The following RASA1 variants were observed in gnomAD, a reference collection of about 807,000 sequenced individuals.
The protein encoded by RASA1 is RAS p21 protein activator 1, also known as ras GTPase-activating protein 1.
A neutral mutation model predicts 132.2 loss-of-function variants in RASA1; 25 were observed. The ratio of observed to expected loss-of-function variants is 0.19; its 90% confidence interval spans 0.14 to 0.26. The LOEUF (loss-of-function observed/expected upper bound fraction) is 0.26, where lower values mean the gene tolerates loss of function less well. Among genes scored for constraint, RASA1 ranks in the 10% least tolerant of loss-of-function variants. RASA1 has a pLI of 1.00. For synonymous variants in RASA1, 477 were observed against 449.9 expected (o/e 1.06, Z -0.76); for missense variants, 964 against 1,299.2 (o/e 0.74, Z 3.97).
chr5:87,390,953 T>C lies in RASA1; in HGVS notation c.*70T>C, dbSNP rs1224760023. On this transcript the variant is annotated 3_prime_UTR_variant, in exon 25 of 25. Transcript: ENST00000274376. ...TGGTAATTCACTTCAGTTTAATGTC[T>C]CCTTTGCTCTTGCCAAAAAATAGCA... 5.5e-6 allele frequency: 8 copies of C among 1,465,528 alleles called. No homozygotes were observed. Among genetic ancestry groups the C allele is most frequent in the East Asian group, 4.6e-5 (2 of 43,484 alleles). 90.8% of individuals were successfully genotyped at this position (1,465,528 alleles called of 1,614,324 possible).
intron 4 of RASA1, among the ~76,000 whole-genome samples, chr5:87,333,748 G>A (rs967612665): frequency 6.6e-6 from 1 of 151,742 alleles, no homozygotes; most frequent in Admixed American, 6.6e-5. Flanking sequence ...GTTAGTTTGT[G>A]GTTTTATTTC....
chr5:87,357,224 A>T (rs947153422), intron 9 of RASA1, among the ~76,000 whole-genome samples: 1 of 151,944 alleles, frequency 6.6e-6, no homozygotes, highest in African/African-American at 2.4e-5. Context: ...TATAACATAC[A>T]CACACATATA....
intron 1 of RASA1, among the ~76,000 whole-genome samples, chr5:87,273,071 A>G (rs1753917178): frequency 1.3e-5 from 2 of 152,202 alleles, no homozygotes; most frequent in Non-Finnish European, 2.9e-5. Flanking sequence ...ATGGTCAGGA[A>G]GTTAGTTCAA....
At chr5:87,287,556 T>C (rs1328590356) in intron 1 of RASA1, among the ~76,000 whole-genome samples, 1 of 146,192 alleles carries the variant, frequency 6.8e-6, no homozygotes, top group Non-Finnish European at 1.5e-5. Context: ...ACACCATATA[T>C]ATACACCATA....
intron 23 of RASA1, among the ~76,000 whole-genome samples, chr5:87,389,016 G>A (rs907249103): frequency 6.6e-6 from 1 of 151,764 alleles, no homozygotes; most frequent in Non-Finnish European, 1.5e-5. Flanking sequence ...TGAATACAAA[G>A]GTTACAAAGT....
At chr5:87,349,505 C>A in intron 8 of RASA1, 141 bp downstream of exon 8, 2 of 980,926 alleles carry the variant, frequency 2.0e-6, no homozygotes, top group Non-Finnish European at 3.0e-6. Flanking sequence ...TCATAGTAGT[C>A]ATGCCCAAGA....
chr5:87,341,033 G>A lies in RASA1; in HGVS notation c.1018-257G>A, dbSNP rs559757909. Reference sequence around the variant, plus strand: ...AAACTGATGTATCCAGATTAGAGTGGTGGAGTAGGACATAATTATATTAGT... The same window carrying A: ...AAACTGATGTATCCAGATTAGAGTGATGGAGTAGGACATAATTATATTAGT... On this transcript the variant is annotated intron_variant, in intron 5 of 24. Coordinates refer to ENST00000274376, the MANE Select transcript of RASA1 (RefSeq NM_002890.3). Among the ~76,000 whole-genome samples, 60 of 152,092 alleles carry A rather than the reference G, an allele frequency of 3.9e-4. 1 individual carries two copies. The South Asian group carries it at 9.9e-3, about 25-fold the overall frequency.
intron 1 of RASA1, among the ~76,000 whole-genome samples, chr5:87,287,267 C>T (rs1003581756): frequency 1.5e-4 from 21 of 144,408 alleles, no homozygotes; most frequent in African/African-American, 5.1e-4. Flanking sequence ...ACACCATATA[C>T]ACCGTATATA....
intron 1 of RASA1, among the ~76,000 whole-genome samples, chr5:87,316,280 A>G (rs968021173): frequency 2.6e-5 from 4 of 152,176 alleles, no homozygotes; most frequent in African/African-American, 9.7e-5. Flanking sequence ...TTGCCTGGTT[A>G]CTATAGTTAT....
chr5:87,385,322 C>T lies in RASA1; in HGVS notation c.2780C>T (p.Ala927Val). 1 of 1,610,672 alleles carries T rather than the reference C, an allele frequency of 6.2e-7. No homozygotes were observed. The highest frequency in any genetic ancestry group is 8.5e-7 in the Non-Finnish European group (1 of 1,177,216). Residue 927 changes from alanine to valine, a missense_variant, in exon 22 of 25, where the codon GCA (alanine) becomes GTA (valine). Around this residue, in one of 6 missense-constraint regions of RASA1, gnomAD observed 107 missense variants for 163.8 expected, o/e 0.65. Coordinates refer to ENST00000274376, the MANE Select transcript of RASA1 (RefSeq NM_002890.3). ...ACAGATTCTCCATCTCCTATTGCTG[C>T]AAGAACACTGATATTAGTGGCTAAA... ...IISDSPSPIA[A>V]RTLILVAKSV... is the part of the protein sequence containing the mutation.
intron 24 of RASA1, 65 bp from the exon 25 acceptor site, chr5:87,390,735 G>A: frequency 7.4e-7 from 1 of 1,351,976 alleles, no homozygotes; most frequent in East Asian, 2.3e-5. Flanking sequence ...TTCAAATCCA[G>A]GTTCCCATCC....
intron 1 of RASA1, among the ~76,000 whole-genome samples, chr5:87,292,497 T>G (rs1754952207): frequency 6.6e-6 from 1 of 152,086 alleles, no homozygotes. Context: ...GGTCTGTTTC[T>G]GGGTTTCCTG....
In RASA1 at chr5:87,338,855, T is replaced by A. The variant is rs563594189; in HGVS notation, c.1017+764T>A. Among the ~76,000 whole-genome samples, 17 of 152,226 alleles carry A rather than the reference T, an allele frequency of 1.1e-4. No homozygotes were observed. In the South Asian group the frequency reaches 3.5e-3, roughly 32 times the overall value. ...ATTCATTTATATTATACATATATTATCACATGGTTCTACATTTTGAATCTC... is the reference window on the plus strand; with the variant it reads ...ATTCATTTATATTATACATATATTAACACATGGTTCTACATTTTGAATCTC... On this transcript the variant is annotated intron_variant, in intron 5 of 24. Transcript: ENST00000274376.
At chr5:87,331,251 T>C (rs750833206) in intron 1 of RASA1, 97 bp from the exon 2 acceptor site, 2 of 1,249,134 alleles carry the variant, frequency 1.6e-6, no homozygotes, top group African/African-American at 3.0e-5. Context: ...AAGTTACATG[T>C]AGGCATTTAA....
intron 4 of RASA1, among the ~76,000 whole-genome samples, chr5:87,334,100 AT>A (rs894570919): frequency 6.6e-6 from 1 of 152,046 alleles, no homozygotes; most frequent in Non-Finnish European, 1.5e-5. Context: ...TCTAGAGGAG[AT>A]TTTTTTACGG....
chr5:87,302,895 A>G (rs962856629), intron 1 of RASA1, among the ~76,000 whole-genome samples: 1 of 152,090 alleles, frequency 6.6e-6, no homozygotes, highest in Non-Finnish European at 1.5e-5. Context: ...AAATCTTTGC[A>G]TGCTCGAAGG....
rs141530910 is a variant in RASA1 at position 87,306,432 on chromosome 5, G to A, written c.540-24916G>A. ...GAGCTGAATGATCTGAACACATAGA[G>A]GGGAACAACACACACTGGGGCCTAA... On this transcript the variant is annotated intron_variant, in intron 1 of 24. Transcript: ENST00000274376. 7.9e-4 allele frequency among the ~76,000 whole-genome samples: 120 copies of A among 152,162 alleles called. 1 individual carries two copies. The highest frequency in any genetic ancestry group is 2.7e-3 in the African/African-American group (111 of 41,534).
At position 87,268,816 on chromosome 5, in the gene RASA1, C is replaced by T. The variant is rs1187087405; in HGVS notation, c.365C>T (p.Ser122Leu). The change falls in exon 1 of 25, where the codon TCG (serine) becomes TTG (leucine). Residue 122 changes from serine to leucine, a missense_variant. Physicochemically the swap from Ser to Leu is moderately radical, Grantham distance 145 (BLOSUM62 -2). Coordinates refer to ENST00000274376, the MANE Select transcript of RASA1 (RefSeq NM_002890.3). ...GDMALTKLPTSLLAETLGPGG... is the reference protein window; with the variant it reads ...GDMALTKLPTLLLAETLGPGG... ...ATGGCTCTCACCAAACTGCCCACTT[C>T]GTTGCTTGCTGAGACTCTCGGGCCA... The T allele has an allele frequency of 5.0e-6, 8 of 1,614,006 alleles. No individual in the cohort carries two copies. In the African/African-American group the frequency reaches 8.0e-5, roughly 16 times the overall value.
intron 1 of RASA1, among the ~76,000 whole-genome samples, chr5:87,308,748 CT>C (rs1231717819): frequency 6.6e-6 from 1 of 152,038 alleles, no homozygotes; most frequent in African/African-American, 2.4e-5. Context: ...TGTGTCTTTT[CT>C]GTATTTAGAT....
Sources: gnomAD v4.1 joint callset for allele counts (sites outside exome capture counted in the v4.1 genomes callset) on GRCh38, gnomAD v4.1.1 for gene constraint, gnomAD v4.1.1 regional missense constraint, MANE v1.5 for transcripts, NCBI Gene and HGNC (gene_info 2026-07-23, HGNC 2026-07-21) for gene names.